The following CIP2A variants were observed in gnomAD, a reference collection of about 807,000 sequenced individuals.
CIP2A encodes protein CIP2A.
CIP2A carries 103 observed loss-of-function variants against 110.9 expected under a neutral mutation model. The observed-to-expected ratio is 0.93, with a 90% CI of 0.79 to 1.09. The LOEUF is 1.09. Ranked by LOEUF, CIP2A falls within the 50% of genes least tolerant of loss-of-function variation. CIP2A has a pLI of 0.00. For missense variants in CIP2A, 1,088 were observed against 1,038.4 expected (o/e 1.05, Z -0.66); for synonymous variants, 381 against 361.6 (o/e 1.05, Z -0.61).
rs756044325 is a variant in CIP2A, at chr3:108,552,353, C to A, written c.2428G>T (p.Val810Leu). 1.3e-6 allele frequency: 2 copies of A among 1,535,526 alleles called. No individual in the cohort carries two copies. The highest frequency in any genetic ancestry group is 1.8e-6 in the Non-Finnish European group (2 of 1,139,742). Residue 810 changes from valine (V) to leucine (L), a missense_variant, in exon 20 of 21, where the codon GTA (valine) becomes TTA (leucine). By Grantham distance (32) the Val-to-Leu change is conservative. Coordinates refer to ENST00000295746, the MANE Select transcript of CIP2A (RefSeq NM_020890.3). ...AAGGTTTTAATCTTTTCTTCTTGTA[C>A]TTTTGTTTTTTGATGCAAATCTTAA... ...KLANLHQKTKVQEEKIKTLQK... is the reference protein window; with the variant it reads ...KLANLHQKTKLQEEKIKTLQK...
At chr3:108,585,845 T>C in intron 1 of CIP2A, 2 of 449,304 alleles carry the variant, frequency 4.5e-6, no homozygotes, top group Non-Finnish European at 4.5e-6. Context: ...GATTATTCCA[T>C]TGTTTTTTTT....
chr3:108,586,952 G>A (rs935356281), intron 1 of CIP2A, among the ~76,000 whole-genome samples: 4 of 152,078 alleles, frequency 2.6e-5, no homozygotes, highest in Non-Finnish European at 5.9e-5. Context: ...CTCAGATCTC[G>A]CTCTCATGAA....
chr3:108,553,783 G>T, intron 18 of CIP2A, 53 bp from the exon 19 acceptor site: 1 of 1,413,108 alleles, frequency 7.1e-7, no homozygotes, highest in Non-Finnish European at 9.5e-7. Flanking sequence ...TATACCATTT[G>T]TAACTTTTTC....
At position 108,550,668 on chromosome 3, in the gene CIP2A, A is replaced by C. The variant is rs2083885521; in HGVS notation, c.*481T>G. 6.6e-6 allele frequency: 1 copy of C among 151,844 alleles called. No homozygotes were observed. Among genetic ancestry groups the C allele is most frequent in the South Asian group, 2.1e-4 (1 of 4,830 alleles). 9.4% of individuals were successfully genotyped at this position (151,844 alleles called of 1,614,324 possible). On this transcript the variant is annotated 3_prime_UTR_variant, in exon 21 of 21. Coordinates refer to ENST00000295746, the MANE Select transcript of CIP2A (RefSeq NM_020890.3). ...AATATTTTCTTTTGTGCTTCTTCAG[A>C]GACAAACTTCTCTAGCAGTAAAATC... is the stretch of plus-strand genomic sequence containing the variant.
chr3:108,581,930 TCA>T (rs1024562600), intron 4 of CIP2A, among the ~76,000 whole-genome samples, 176 bp downstream of exon 4: 2 of 152,140 alleles, frequency 1.3e-5, no homozygotes, highest in African/African-American at 4.8e-5. Flanking sequence ...ATGAATGAGG[TCA>T]CATACTTTTA....
intron 8 of CIP2A, among the ~76,000 whole-genome samples, chr3:108,574,159 C>T (rs911267248): frequency 6.6e-6 from 1 of 152,058 alleles, no homozygotes; most frequent in African/African-American, 2.4e-5. Flanking sequence ...ATAACTCCTC[C>T]TACTTATAAG....
At chr3:108,577,405 AATAC>A (rs1451115298) in intron 7 of CIP2A, among the ~76,000 whole-genome samples, 1 of 152,208 alleles carries the variant, frequency 6.6e-6, no homozygotes, top group Non-Finnish European at 1.5e-5. Context: ...AAAATGAGGC[AATAC>A]ATAGAGTAAT....
intron 1 of CIP2A, among the ~76,000 whole-genome samples, chr3:108,588,442 TC>T (rs1939161721): frequency 6.6e-6 from 1 of 152,244 alleles, no homozygotes; most frequent in South Asian, 2.1e-4. Flanking sequence ...ATCATTTTTT[TC>T]CTGTAATATT....
chr3:108,581,301 T>C, intron 5 of CIP2A, 114 bp downstream of exon 5: 1 of 725,252 alleles, frequency 1.4e-6, no homozygotes. Flanking sequence ...GGTCATCCGA[T>C]AAGACACAGA....
Position 108,585,238 on chromosome 3 carries a change from T to C in CIP2A, c.103-26A>G, listed in dbSNP as rs1939007084. 3 of 1,565,044 alleles carry C rather than the reference T, an allele frequency of 1.9e-6. No homozygotes were observed. The Admixed American group carries it at 5.6e-5, about 29-fold the overall frequency. On this transcript the variant is annotated intron_variant, in intron 1 of 20. Transcript: ENST00000295746. ...CTATAAAATAGTAATCAAAATGTGT[T>C]GGTTAAGCGATGGCAATTTTCATCT...
Position 108,569,415 on chromosome 3 carries a change from A to G in CIP2A, c.1087T>C (p.Leu363=), listed in dbSNP as rs769370043. ...DGSENCSVLA[L]ELFKEIFEDV... is the part of the protein sequence containing the mutation. ...TCAAATATTTCCTTGAACAACTCCA[A>G]TGCTAAAACAGAACAGTTTTCTGAT... Residue 363 remains leucine (L), a synonymous_variant, in exon 9 of 21, where the codon TTG becomes CTG. Transcript: ENST00000295746. 20 of 1,612,138 alleles carry G rather than the reference A, an allele frequency of 1.2e-5. No individual in the cohort carries two copies. The highest frequency in any genetic ancestry group is 3.3e-4 in the Middle Eastern group (2 of 6,070).
intron 2 of CIP2A, 45 bp from the exon 3 acceptor site, chr3:108,583,128 G>A (rs1240004664): frequency 1.9e-6 from 2 of 1,078,450 alleles, no homozygotes; most frequent in South Asian, 1.8e-5. Flanking sequence ...TTTCTTACAA[G>A]GTTTTGCAGA....
chr3:108,557,851 T>A (rs1486746302), intron 16 of CIP2A, among the ~76,000 whole-genome samples: 8 of 152,066 alleles, frequency 5.3e-5, no homozygotes, highest in Admixed American at 4.6e-4. Flanking sequence ...GCTAGTATAA[T>A]CAAAGAATGT....
intron 12 of CIP2A, 108 bp from the exon 13 acceptor site, chr3:108,563,352 C>G (rs1350288683): frequency 1.4e-6 from 1 of 710,436 alleles, no homozygotes; most frequent in Non-Finnish European, 2.5e-6. Flanking sequence ...TAGGCAAATT[C>G]TAAAATGTTT....
chr3:108,588,306 A>C (rs866235609), intron 1 of CIP2A, among the ~76,000 whole-genome samples: 1 of 152,168 alleles, frequency 6.6e-6, no homozygotes, highest in Non-Finnish European at 1.5e-5. Context: ...AAGAGAAAAC[A>C]AATGTACTTA....
chr3:108,578,235 C>G (rs559808434), intron 7 of CIP2A, among the ~76,000 whole-genome samples: 5 of 152,226 alleles, frequency 3.3e-5, no homozygotes, highest in Admixed American at 3.3e-4. Flanking sequence ...GAGGTTTATT[C>G]AAAGGAATTT....
At chr3:108,576,227 TGCAG>T in intron 8 of CIP2A, 40 bp downstream of exon 8, 1 of 1,238,780 alleles carries the variant, frequency 8.1e-7, no homozygotes. Flanking sequence ...TTCGGCATTT[TGCAG>T]TTTTTAAAAG....
At chr3:108,556,123 T>C (rs1937794389) in intron 17 of CIP2A, among the ~76,000 whole-genome samples, 1 of 152,158 alleles carries the variant, frequency 6.6e-6, no homozygotes, top group Non-Finnish European at 1.5e-5. Flanking sequence ...CAATCAGACT[T>C]TGTAAAAAGT....
chr3:108,568,547 T>A (rs1043177551), intron 9 of CIP2A, among the ~76,000 whole-genome samples: 4 of 152,000 alleles, frequency 2.6e-5, no homozygotes, highest in African/African-American at 9.7e-5. Context: ...CAAATAAGAC[T>A]TTTTTAAACA....
Sources: gnomAD v4.1 joint callset for allele counts (sites outside exome capture counted in the v4.1 genomes callset) on GRCh38, gnomAD v4.1.1 for gene constraint, MANE v1.5 for transcripts, NCBI Gene and HGNC (gene_info 2026-07-23, HGNC 2026-07-21) for gene names.